TUSC3: variants seen among roughly 807,000 people sequenced by gnomAD.
The protein encoded by TUSC3 is dolichyl-diphosphooligosaccharide--protein glycosyltransferase subunit TUSC3.
TUSC3 carries 45 observed loss-of-function variants against 44.8 expected under a neutral mutation model. The ratio of observed to expected loss-of-function variants is 1.00; its 90% CI spans 0.79 to 1.29. TUSC3 has a LOEUF of 1.29. Among genes scored for constraint, TUSC3 ranks in the 50% most tolerant of loss-of-function variants. TUSC3 has a pLI of 0.00. For synonymous variants in TUSC3, 212 were observed against 152.9 expected, an observed-to-expected ratio of 1.39 and a Z score of -2.85; for missense variants, 519 against 437.9, an observed-to-expected ratio of 1.19 and a Z score of -1.65.
At chr8:15,808,961 T>C in the TUSC3 span, among the ~76,000 whole-genome samples, 220 of 152,282 alleles carry the variant, frequency 1.4e-3, no homozygotes, top group African/African-American at 4.9e-3. Flanking sequence ...TTGTATAGTA[T>C]GTACAGTAGT....
At chr8:15,604,717 CAT>C (rs1804444175) in intron 1 of TUSC3, among the ~76,000 whole-genome samples, 1 of 151,706 alleles carries the variant, frequency 6.6e-6, no homozygotes, top group Non-Finnish European at 1.5e-5. Context: ...TTTGAACAGT[CAT>C]TGATATTTAT....
chr8:15,790,179 CTTTTT>C, the TUSC3 span, among the ~76,000 whole-genome samples: 11 of 72,230 alleles, frequency 1.5e-4, no homozygotes, highest in East Asian at 4.7e-4. Context: ...TTGTTAAGGC[CTTTTT>C]TTTTTTTTTT....
chr8:15,719,833 C>A (rs1341421315), intron 6 of TUSC3, among the ~76,000 whole-genome samples: 2 of 152,036 alleles, frequency 1.3e-5, no homozygotes, highest in African/African-American at 2.4e-5. Flanking sequence ...GAATTCAAGC[C>A]TCGCAGCCTG....
chr8:15,646,431 G>A (rs540233776), intron 2 of TUSC3, among the ~76,000 whole-genome samples: 1 of 151,998 alleles, frequency 6.6e-6, no homozygotes, highest in Admixed American at 6.6e-5. Context: ...TCTACAAATT[G>A]GTTATTGGGA....
At position 15,495,796 on chromosome 8, in the gene TUSC3, A is replaced by T. The variant is rs555006643; in HGVS notation, n.189+12313A>T. On this transcript the variant is annotated intron_variant and non_coding_transcript_variant, in intron 2 of 5. Transcript: ENST00000503191. Reference sequence around the variant, plus strand: ...AAATTGAGAAAGAGATCATAGGCTTATATTGGAGAAATTGCACTCAGACTT... The same window carrying T: ...AAATTGAGAAAGAGATCATAGGCTTTTATTGGAGAAATTGCACTCAGACTT... 3.9e-5 allele frequency among the ~76,000 whole-genome samples: 6 copies of T among 152,272 alleles called. No homozygotes were observed. In the East Asian group the frequency reaches 1.2e-3, roughly 29 times the overall value.
At chr8:15,614,476 C>G (rs1804903000) in intron 1 of TUSC3, among the ~76,000 whole-genome samples, 1 of 152,170 alleles carries the variant, frequency 6.6e-6, no homozygotes. Context: ...GCCCAGACAA[C>G]TGCTTATCTA....
rs71211051 is a variant in TUSC3 at position 15,523,708 on chromosome 8, G to GTATATATATATATATATATA, written n.189+40243_189+40244insTATATATATATATATATATA. Among the ~76,000 whole-genome samples the GTATATATATATATATATATA allele has an allele frequency of 1.6e-3, 178 of 112,454 alleles. 7 individuals are homozygous for GTATATATATATATATATATA. Among genetic ancestry groups the GTATATATATATATATATATA allele is most frequent in the African/African-American group, 6.6e-3 (167 of 25,496 alleles). 73.8% of individuals were successfully genotyped at this position (112,454 alleles called of 152,430 possible). A position where few individuals can be genotyped will look rare whatever the true frequency, so the allele number is the denominator to read the frequency against. Reference sequence around the variant, plus strand: ...TGTGTGTGTGTGTGTGTGTGTGTGTGTATATATATATATATATAAAGTAGT... The same window carrying GTATATATATATATATATATA: ...TGTGTGTGTGTGTGTGTGTGTGTGTGTATATATATATATATATATATATATATATATATATATAAAGTAGT... On this transcript the variant is annotated intron_variant and non_coding_transcript_variant, in intron 2 of 5. Transcript: ENST00000503191.
At chr8:15,487,540 G>C (rs1231848122) in intron 2 of TUSC3, among the ~76,000 whole-genome samples, 2 of 152,124 alleles carry the variant, frequency 1.3e-5, no homozygotes, top group African/African-American at 4.8e-5. Flanking sequence ...TATCCTGGTA[G>C]GCTTATGTCT....
the TUSC3 span, among the ~76,000 whole-genome samples, chr8:15,811,913 GA>G: frequency 6.7e-6 from 1 of 149,958 alleles, no homozygotes; most frequent in Non-Finnish European, 1.5e-5. Context: ...AAATAGAAAA[GA>G]AAAAAAAACA....
At chr8:15,618,324 G>A (rs1805086379) in intron 1 of TUSC3, among the ~76,000 whole-genome samples, 1 of 151,982 alleles carries the variant, frequency 6.6e-6, no homozygotes. Flanking sequence ...TTTGACTCTT[G>A]TAATAACAGT....
intron 6 of TUSC3, among the ~76,000 whole-genome samples, chr8:15,713,859 C>T (rs749290642): frequency 6.6e-6 from 1 of 152,218 alleles, no homozygotes; most frequent in Non-Finnish European, 1.5e-5. Context: ...AATTCAGCCT[C>T]TAACAGAGCA....
chr8:15,686,791 G>A (rs993670468), intron 6 of TUSC3, among the ~76,000 whole-genome samples: 5 of 152,100 alleles, frequency 3.3e-5, no homozygotes, highest in African/African-American at 1.2e-4. Flanking sequence ...CCAGCTGGCC[G>A]GGCGTGGTGG....
At chr8:15,505,476 A>C (rs1331841799) in intron 2 of TUSC3, among the ~76,000 whole-genome samples, 1 of 152,200 alleles carries the variant, frequency 6.6e-6, no homozygotes, top group Non-Finnish European at 1.5e-5. Context: ...TCCTGTTGGT[A>C]AAATCTCCAG....
chr8:15,512,870 G>GTATATA (rs371387088), intron 2 of TUSC3, among the ~76,000 whole-genome samples: 6,801 of 101,018 alleles, frequency 0.067, 352 homozygotes, highest in East Asian at 0.13. Flanking sequence ...ATATATGTGT[G>GTATATA]TGTATATATA....
At chr8:15,688,974 GC>G (rs1403788493) in intron 6 of TUSC3, 2 of 242,940 alleles carry the variant, frequency 8.2e-6, no homozygotes, top group East Asian at 1.4e-4. Flanking sequence ...AGACCTCTTT[GC>G]CCTGCTTGCT....
At chr8:15,516,941 GTTGAA>G (rs1021551597) in intron 2 of TUSC3, among the ~76,000 whole-genome samples, 3 of 152,118 alleles carry the variant, frequency 2.0e-5, no homozygotes, top group East Asian at 1.9e-4. Context: ...CTTGAAATTA[GTTGAA>G]TTGAATACTG....
At chr8:15,690,462 C>G (rs1808850490) in intron 6 of TUSC3, among the ~76,000 whole-genome samples, 1 of 152,008 alleles carries the variant, frequency 6.6e-6, no homozygotes, top group South Asian at 2.1e-4. Context: ...TCTGTTTATG[C>G]TGTTGATAAC....
intron 8 of TUSC3, among the ~76,000 whole-genome samples, chr8:15,744,890 C>G (rs1476996411): frequency 6.6e-6 from 1 of 151,948 alleles, no homozygotes; most frequent in African/African-American, 2.4e-5. Context: ...AGGTAAGGAT[C>G]TCATCACCCA....
chr8:15,698,948 G>T (rs549322987), intron 6 of TUSC3, among the ~76,000 whole-genome samples: 1 of 151,598 alleles, frequency 6.6e-6, no homozygotes, highest in African/African-American at 2.4e-5. Context: ...CTAGGCTCAA[G>T]CCATCCTCCC....
Sources: gnomAD v4.1 joint callset for allele counts (sites outside exome capture counted in the v4.1 genomes callset) on GRCh38, gnomAD v4.1.1 for gene constraint, MANE v1.5 for transcripts, NCBI Gene and HGNC (gene_info 2026-07-23, HGNC 2026-07-21) for gene names.